The following TAOK3 variants were observed in gnomAD, a reference collection of about 807,000 sequenced individuals.
The protein encoded by TAOK3 is serine/threonine-protein kinase TAO3.
In TAOK3, 40 loss-of-function variants were observed where a neutral mutation model predicts 120.4. The ratio of observed to expected loss-of-function variants is 0.33; its 90% CI spans 0.26 to 0.43. TAOK3 has a LOEUF of 0.43. TAOK3 is among the 20% of genes least tolerant of loss of function. The pLI is 1.00. For synonymous variants in TAOK3, 355 were observed against 387.5 expected, an observed-to-expected ratio of 0.92 and a Z score of 0.99; for missense variants, 821 against 1,112.1, an observed-to-expected ratio of 0.74 and a Z score of 3.72.
chr12:118,229,101 T>TC (rs1356393384), intron 9 of TAOK3, among the ~76,000 whole-genome samples: 1 of 151,472 alleles, frequency 6.6e-6, no homozygotes. Context: ...TTCTTTTTTT[T>TC]CCTTTTTTTT....
intron 14 of TAOK3, among the ~76,000 whole-genome samples, chr12:118,182,694 T>C (rs925667549): frequency 4.0e-5 from 6 of 149,520 alleles, no homozygotes; most frequent in African/African-American, 1.5e-4. Context: ...ACATGATTTA[T>C]TTCCTATTCC....
intron 1 of TAOK3, among the ~76,000 whole-genome samples, chr12:118,319,475 C>G (rs2043610628): frequency 6.6e-6 from 1 of 151,804 alleles, no homozygotes; most frequent in African/African-American, 2.4e-5. Context: ...ACTGCTATAA[C>G]TTAACAACAA....
intron 9 of TAOK3, among the ~76,000 whole-genome samples, chr12:118,230,443 G>A (rs113347215): frequency 1.9e-3 from 277 of 148,204 alleles, no homozygotes; most frequent in Middle Eastern, 0.018. Context: ...ATGACTTCTG[G>A]GATTACCCTG....
At chr12:118,196,359 T>C (rs1565932339) in intron 13 of TAOK3, among the ~76,000 whole-genome samples, 2 of 152,160 alleles carry the variant, frequency 1.3e-5, no homozygotes, top group Non-Finnish European at 2.9e-5. Context: ...GGTCCTTCTT[T>C]GAAAAAGCAA....
chr12:118,200,575 T>C (rs1353226614), intron 12 of TAOK3: 2 of 152,240 alleles, frequency 1.3e-5, no homozygotes, highest in Non-Finnish European at 2.9e-5. Context: ...CTGCTTTTAC[T>C]AAGGTCATCA....
At chr12:118,260,338 C>G (rs551034168) in intron 2 of TAOK3, among the ~76,000 whole-genome samples, 1 of 152,164 alleles carries the variant, frequency 6.6e-6, no homozygotes, top group Non-Finnish European at 1.5e-5. Context: ...AAATTATTTC[C>G]AAGTAACTTA....
chr12:118,324,889 C>T lies in TAOK3; in HGVS notation c.-194+47759G>A, dbSNP rs542197110. Among the ~76,000 whole-genome samples, 192 of 151,612 alleles carry T rather than the reference C, an allele frequency of 1.3e-3. 1 individual carries two copies. Among genetic ancestry groups the T allele is most frequent in the Non-Finnish European group, 2.2e-3 (148 of 67,828 alleles). The stretch of plus-strand genomic sequence containing the variant: ...CCTCCCGAGTAGCTGGGACTACAGG[C>T]GCCCGCCACCAGGCCCAGCTAATTT... On this transcript the variant is annotated intron_variant, in intron 1 of 20. Coordinates refer to ENST00000392533, the MANE Select transcript of TAOK3 (RefSeq NM_016281.4).
rs748251179 is a variant in TAOK3, at chr12:118,201,321, A to G, written c.962T>C (p.Leu321Ser). The change falls in exon 12 of 21, where the codon TTG (leucine) becomes TCG (serine). Residue 321 changes from leucine to serine, a missense_variant. This residue lies in a region of TAOK3 where 467 missense variants were observed against 540.0 expected (regional missense o/e 0.86). Transcript: ENST00000392533. ...ILFQETRNGP[L>S]NESQEDEEDS... ...TTCCTCATCCTCCTGTGACTCATTC[A>G]AGGGTCCATTCCGTGTCTCTTGGAA... 4 of 1,613,732 alleles carry G rather than the reference A, an allele frequency of 2.5e-6. No individual in the cohort carries two copies. Among genetic ancestry groups the G allele is most frequent in the Non-Finnish European group, 3.4e-6 (4 of 1,179,802 alleles).
chr12:118,282,011 A>C (rs1473896085), intron 1 of TAOK3, among the ~76,000 whole-genome samples: 1 of 152,252 alleles, frequency 6.6e-6, no homozygotes, highest in Non-Finnish European at 1.5e-5. Flanking sequence ...AACATTTAAA[A>C]TTATAGAAAA....
At chr12:118,365,388 A>C (rs1393420198) in intron 1 of TAOK3, among the ~76,000 whole-genome samples, 5 of 145,042 alleles carry the variant, frequency 3.4e-5, no homozygotes, top group African/African-American at 1.3e-4. Flanking sequence ...GTGCAAACAC[A>C]CGCCCAGCTA....
intron 13 of TAOK3, among the ~76,000 whole-genome samples, chr12:118,197,776 C>T (rs2037805774): frequency 6.6e-6 from 1 of 150,934 alleles, no homozygotes; most frequent in Non-Finnish European, 1.5e-5. Flanking sequence ...CAAGCTCCGC[C>T]TCCCAGGTTC....
At chr12:118,242,882 A>ACAAAAT (rs1555229407) in intron 5 of TAOK3, among the ~76,000 whole-genome samples, 29 of 148,974 alleles carry the variant, frequency 1.9e-4, no homozygotes, top group South Asian at 8.5e-4. Flanking sequence ...AAACAAACAA[A>ACAAAAT]ATATATATAT....
rs1385036689 is a variant in TAOK3 at position 118,371,560 on chromosome 12, A to C, written c.-194+1088T>G. ...CCGGAGTCCCGGGGGCTCACACTCC[A>C]CCCTCAGGGAGGTCGCTGATGCCAG... is the stretch of plus-strand genomic sequence containing the variant. On this transcript the variant is annotated intron_variant, in intron 1 of 20. Coordinates refer to ENST00000392533, the MANE Select transcript of TAOK3 (RefSeq NM_016281.4). This position sits in a 1 kb window ranked among gnomAD's most constrained non-coding sequence, Gnocchi z 5.5. 6.6e-6 allele frequency among the ~76,000 whole-genome samples: 1 copy of C among 151,346 alleles called. No individual in the cohort carries two copies. The highest frequency in any genetic ancestry group is 2.0e-4 in the East Asian group (1 of 5,108).
At position 118,255,473 on chromosome 12, in the gene TAOK3, T is replaced by A. The variant is rs2040940470; in HGVS notation, c.95A>T (p.His32Leu). 6.2e-7 allele frequency: 1 copy of A among 1,614,142 alleles called. No individual in the cohort carries two copies. The highest frequency in any genetic ancestry group is 1.6e-4 in the Middle Eastern group (1 of 6,062). Residue 32 changes from histidine to leucine, a missense_variant, in exon 3 of 21, where the codon CAT (histidine) becomes CTT (leucine). Physicochemically the swap from His to Leu is moderately conservative, Grantham distance 99. Around this residue, in one of 2 missense-constraint regions of TAOK3, gnomAD observed 467 missense variants for 540.0 expected, o/e 0.86. Transcript: ENST00000392533. ...AAAATAAACTGCTCCAAAACTTCCA[T>A]GTCCAATTTCATGCAAACCAATAAA... ...ELFIGLHEIGHGSFGAVYFAT... is the reference protein window; with the variant it reads ...ELFIGLHEIGLGSFGAVYFAT...
intron 1 of TAOK3, among the ~76,000 whole-genome samples, chr12:118,342,181 T>G (rs1277981198): frequency 2.0e-5 from 3 of 152,242 alleles, no homozygotes; most frequent in Non-Finnish European, 4.4e-5. Context: ...TGTGGCTTCC[T>G]CACCTCAGAG....
intron 9 of TAOK3, among the ~76,000 whole-genome samples, chr12:118,231,631 GA>G (rs2096696338): frequency 2.0e-5 from 3 of 151,938 alleles, no homozygotes; most frequent in Admixed American, 2.0e-4. Context: ...ATTAGACAAA[GA>G]ATTTTTTTAG....
chr12:118,196,832 G>A (rs1000987620), intron 13 of TAOK3, among the ~76,000 whole-genome samples: 5 of 151,884 alleles, frequency 3.3e-5, no homozygotes, highest in South Asian at 2.1e-4. Flanking sequence ...GTTATTTACT[G>A]AGCATCTATG....
chr12:118,252,083 G>C (rs997190214), intron 3 of TAOK3, among the ~76,000 whole-genome samples: 7 of 152,084 alleles, frequency 4.6e-5, no homozygotes, highest in African/African-American at 1.7e-4. Context: ...GGCCTCCCAA[G>C]TGCTGGGACT....
chr12:118,238,479 C>A (rs925922605), intron 6 of TAOK3, among the ~76,000 whole-genome samples: 2 of 152,132 alleles, frequency 1.3e-5, no homozygotes, highest in African/African-American at 4.8e-5. Context: ...CCAAATTAAC[C>A]AGTCCCTTCC....
Sources: allele counts gnomAD v4.1 joint callset (sites outside exome capture counted in the v4.1 genomes callset), GRCh38; gene constraint gnomAD v4.1.1; regional missense constraint gnomAD v4.1.1; non-coding constraint Gnocchi (gnomAD v3.1); transcripts MANE v1.5; gene names NCBI Gene and HGNC (gene_info 2026-07-23, HGNC 2026-07-21).